AGBL1: variants seen among roughly 807,000 people sequenced by gnomAD.
AGBL1 encodes cytosolic carboxypeptidase 4.
Under a neutral mutation model 118.9 loss-of-function variants are expected in AGBL1, and 130 were observed. The observed-to-expected ratio is 1.09, with a 90% CI of 0.95 to 1.26. AGBL1 has a LOEUF of 1.26. AGBL1 is among the 50% of genes most tolerant of loss of function. The probability of loss-of-function intolerance (pLI) is 0.00; values close to 1 mark genes in which losing one functional copy is unlikely to be tolerated. For synonymous variants in AGBL1, 555 were observed against 478.9 expected (o/e 1.16, Z -2.08); for missense variants, 1,584 against 1,298.1 (o/e 1.22, Z -3.38).
At chr15:86,119,345 T>G (rs1164046593) in intron 1 of AGBL1, among the ~76,000 whole-genome samples, 2 of 152,170 alleles carry the variant, frequency 1.3e-5, no homozygotes, top group Non-Finnish European at 2.9e-5. Context: ...TTTGCTTTTT[T>G]TTTTTGGCAC....
chr15:86,814,050 C>G (rs974573949), intron 22 of AGBL1, among the ~76,000 whole-genome samples: 1 of 152,134 alleles, frequency 6.6e-6, no homozygotes, highest in Non-Finnish European at 1.5e-5. Flanking sequence ...ATGCTTTAGA[C>G]CGGGGTTCCC....
intron 22 of AGBL1, among the ~76,000 whole-genome samples, chr15:86,741,145 G>A (rs2077671887): frequency 6.6e-6 from 1 of 151,960 alleles, no homozygotes; most frequent in African/African-American, 2.4e-5. Context: ...CAAGTTAGGG[G>A]ACCACTGTGG....
intron 17 of AGBL1, among the ~76,000 whole-genome samples, chr15:86,369,528 T>C (rs1473158426): frequency 6.6e-6 from 1 of 152,142 alleles, no homozygotes; most frequent in African/African-American, 2.4e-5. Flanking sequence ...AACAGACTGA[T>C]AAACACAAAA....
At chr15:86,830,158 C>T (rs2079084289) in intron 22 of AGBL1, among the ~76,000 whole-genome samples, 1 of 152,036 alleles carries the variant, frequency 6.6e-6, no homozygotes, top group South Asian at 2.1e-4. Flanking sequence ...ATATACTCTA[C>T]TCTCAGAATT....
intron 22 of AGBL1, among the ~76,000 whole-genome samples, chr15:86,689,975 A>G (rs1047402520): frequency 6.6e-6 from 1 of 152,174 alleles, no homozygotes; most frequent in Non-Finnish European, 1.5e-5. Flanking sequence ...TCTTATTGCA[A>G]CTAGTAACTT....
intron 22 of AGBL1, among the ~76,000 whole-genome samples, chr15:86,844,370 C>G (rs2079288976): frequency 1.3e-5 from 2 of 152,154 alleles, no homozygotes; most frequent in African/African-American, 4.8e-5. Flanking sequence ...TCCTTGTCAA[C>G]AATTGTCATT....
intron 18 of AGBL1, among the ~76,000 whole-genome samples, chr15:86,491,456 G>A (rs929193486): frequency 6.6e-6 from 1 of 152,080 alleles, no homozygotes; most frequent in Non-Finnish European, 1.5e-5. Flanking sequence ...ATTCTGTGAG[G>A]CTTTCAGGCA....
chr15:86,155,517 C>G (rs1027546112), intron 4 of AGBL1, among the ~76,000 whole-genome samples: 1 of 152,312 alleles, frequency 6.6e-6, no homozygotes, highest in South Asian at 2.1e-4. Context: ...GGTGGAATTT[C>G]TAACTCCAGA....
chr15:86,695,566 G>A (rs1002593608), intron 22 of AGBL1, among the ~76,000 whole-genome samples: 15 of 151,484 alleles, frequency 9.9e-5, no homozygotes, highest in Admixed American at 9.9e-4. Context: ...ATTTATTTTT[G>A]TATTGTATTT....
At chr15:86,625,316 A>C (rs2084866464) in intron 21 of AGBL1, among the ~76,000 whole-genome samples, 1 of 140,346 alleles carries the variant, frequency 7.1e-6, no homozygotes, top group Admixed American at 7.7e-5. Context: ...CATTTCAATT[A>C]CTTTCTCTTT....
intron 17 of AGBL1, among the ~76,000 whole-genome samples, chr15:86,367,037 G>A (rs1414033018): frequency 6.6e-6 from 1 of 152,196 alleles, no homozygotes; most frequent in Non-Finnish European, 1.5e-5. Context: ...TAATGTGTCT[G>A]CATGTGTGAA....
intron 22 of AGBL1, among the ~76,000 whole-genome samples, chr15:86,859,055 G>T (rs971866250): frequency 1.8e-4 from 28 of 152,174 alleles, no homozygotes; most frequent in Non-Finnish European, 3.5e-4. Context: ...CCCAAGCTCA[G>T]CACTAGCCTG....
At chr15:86,354,653 A>G (rs1156295325) in intron 17 of AGBL1, among the ~76,000 whole-genome samples, 1 of 152,182 alleles carries the variant, frequency 6.6e-6, no homozygotes, top group Non-Finnish European at 1.5e-5. Flanking sequence ...AGGAATTCAT[A>G]TGATATATCC....
chr15:86,257,047 A>G (rs149591585), intron 8 of AGBL1, 29 bp downstream of exon 8: 1 of 1,596,892 alleles, frequency 6.3e-7, no homozygotes, highest in East Asian at 2.2e-5. Context: ...TATGACCTTT[A>G]AGATGAGTTT....
intron 18 of AGBL1, among the ~76,000 whole-genome samples, chr15:86,405,896 T>C (rs1237042608): frequency 1.3e-5 from 2 of 151,350 alleles, no homozygotes; most frequent in Non-Finnish European, 2.9e-5. Context: ...AGGAAGCAAA[T>C]GCCAGAGGAG....
intron 21 of AGBL1, among the ~76,000 whole-genome samples, chr15:86,585,594 G>A (rs774146070): frequency 9.2e-5 from 14 of 152,048 alleles, no homozygotes; most frequent in Non-Finnish European, 1.9e-4. Flanking sequence ...TTGAACTCCT[G>A]TTCTCAGGCA....
chr15:86,953,324 G>A (rs920633541), intron 23 of AGBL1, among the ~76,000 whole-genome samples: 3 of 150,664 alleles, frequency 2.0e-5, no homozygotes, highest in Non-Finnish European at 4.4e-5. Flanking sequence ...TTTTATTTGT[G>A]TAGTCTCTGA....
intron 18 of AGBL1, among the ~76,000 whole-genome samples, chr15:86,447,013 T>C (rs1393537095): frequency 6.6e-6 from 1 of 152,204 alleles, no homozygotes; most frequent in Non-Finnish European, 1.5e-5. Context: ...GATCGTATAC[T>C]TTAGAACAAG....
chr15:86,396,651 C>A (rs970208319), intron 17 of AGBL1, among the ~76,000 whole-genome samples: 4 of 152,118 alleles, frequency 2.6e-5, no homozygotes, highest in Non-Finnish European at 5.9e-5. Context: ...ACCATCCCAC[C>A]CACAGACTTT....
Sources: gnomAD v4.1 joint callset for allele counts (sites outside exome capture counted in the v4.1 genomes callset) on GRCh38, gnomAD v4.1.1 for gene constraint, MANE v1.5 for transcripts, NCBI Gene and HGNC (gene_info 2026-07-23, HGNC 2026-07-21) for gene names.